Variants in FAM110B observed in about 807,000 individuals in gnomAD.
FAM110B encodes protein FAM110B.
In FAM110B, 6 loss-of-function variants were observed where a neutral mutation model predicts 20.4. The ratio of observed to expected loss-of-function variants is 0.29; its 90% CI spans 0.16 to 0.58. The LOEUF is 0.58. FAM110B is among the 20% of genes least tolerant of loss of function. The pLI, the probability that FAM110B is intolerant of heterozygous loss-of-function variation, is 0.90. For missense variants in FAM110B, 434 were observed against 498.2 expected, an observed-to-expected ratio of 0.87 and a Z score of 1.23; for synonymous variants, 226 against 214.1, an observed-to-expected ratio of 1.06 and a Z score of -0.49.
chr8:58,007,034 A>G (rs1804425759), intron 1 of FAM110B, among the ~76,000 whole-genome samples: 1 of 151,620 alleles, frequency 6.6e-6, no homozygotes, highest in Non-Finnish European at 1.5e-5. Context: ...CAGTGCCTAC[A>G]ATGTGCCAGG....
chr8:58,131,136 C>T (rs1563380593), intron 3 of FAM110B, among the ~76,000 whole-genome samples: 1 of 152,194 alleles, frequency 6.6e-6, no homozygotes, highest in Non-Finnish European at 1.5e-5. Context: ...CCCATATAAC[C>T]GCCTGACACC....
chr8:58,108,546 G>A (rs1806976199), intron 3 of FAM110B, among the ~76,000 whole-genome samples: 1 of 152,164 alleles, frequency 6.6e-6, no homozygotes, highest in African/African-American at 2.4e-5. Flanking sequence ...TTGGATCGAG[G>A]CTGCTCCTGA....
intron 3 of FAM110B, among the ~76,000 whole-genome samples, chr8:58,128,097 G>T (rs1807558028): frequency 6.6e-6 from 1 of 152,174 alleles, no homozygotes; most frequent in Non-Finnish European, 1.5e-5. Flanking sequence ...CCTTCTGTAT[G>T]ACAGACAGGC....
Position 58,146,668 on chromosome 8 carries a change from C to T in FAM110B, c.438C>T (p.Pro146=), listed in dbSNP as rs1803873242. 1 of 1,612,638 alleles carries T rather than the reference C, an allele frequency of 6.2e-7. No homozygotes were observed. Among genetic ancestry groups the T allele is most frequent in the African/African-American group, 1.3e-5 (1 of 74,918 alleles). The change falls in exon 4 of 4, where the codon CCC becomes CCT. Residue 146 remains proline (P), a synonymous_variant. Transcript: ENST00000519262. ...AGCACAGCTCCCGCAACTGGCCGCC[C>T]CACCGGTCGGAAGCCACTGACCTGC... The part of the protein sequence containing the change: ...GHKHSSRNWP[P]HRSEATDLHR...
chr8:58,066,619 C>G (rs182985311), intron 2 of FAM110B, among the ~76,000 whole-genome samples: 1 of 152,124 alleles, frequency 6.6e-6, no homozygotes, highest in East Asian at 1.9e-4. Context: ...GACTCTTGCC[C>G]GCCAGTTGTC....
intron 2 of FAM110B, among the ~76,000 whole-genome samples, chr8:58,053,964 G>A (rs1248567905): frequency 2.0e-5 from 3 of 152,190 alleles, no homozygotes; most frequent in African/African-American, 7.2e-5. Context: ...GCTGCCACAT[G>A]GTGGAAGATT....
chr8:58,130,682 T>C (rs1003365256), intron 3 of FAM110B, among the ~76,000 whole-genome samples: 5 of 152,224 alleles, frequency 3.3e-5, no homozygotes, highest in East Asian at 3.8e-4. Flanking sequence ...AATTGAATGA[T>C]TGAATCCCTT....
intron 3 of FAM110B, among the ~76,000 whole-genome samples, chr8:58,119,619 C>G (rs1169986299): frequency 1.3e-5 from 2 of 152,298 alleles, no homozygotes; most frequent in Middle Eastern, 3.4e-3. Context: ...TAACTTGGTT[C>G]TAACTGGCAA....
chr8:58,129,834 C>A (rs1049291008), intron 3 of FAM110B, among the ~76,000 whole-genome samples: 3 of 152,090 alleles, frequency 2.0e-5, no homozygotes. Flanking sequence ...TCTGCTTAAA[C>A]CTCCCTCTTC....
At chr8:58,054,910 T>C (rs939112674) in intron 2 of FAM110B, among the ~76,000 whole-genome samples, 1 of 135,030 alleles carries the variant, frequency 7.4e-6, no homozygotes, top group Admixed American at 7.2e-5. Flanking sequence ...CAGGTCCTAT[T>C]TTTCTTCTTT....
At chr8:58,089,855 G>GC (rs1215720271) in intron 3 of FAM110B, among the ~76,000 whole-genome samples, 1 of 152,146 alleles carries the variant, frequency 6.6e-6, no homozygotes, top group African/African-American at 2.4e-5. Context: ...TTGCCATTTG[G>GC]CATTTTCTAG....
At chr8:58,053,080 C>G (rs989295989) in intron 2 of FAM110B, among the ~76,000 whole-genome samples, 1 of 151,458 alleles carries the variant, frequency 6.6e-6, no homozygotes, top group African/African-American at 2.4e-5. Flanking sequence ...CCACCGCGCC[C>G]GGCCGAGAGT....
At chr8:58,030,886 G>A (rs762588861) in intron 1 of FAM110B, among the ~76,000 whole-genome samples, 96 of 152,124 alleles carry the variant, frequency 6.3e-4, no homozygotes, top group African/African-American at 1.8e-3. Flanking sequence ...CAAGTGCAGC[G>A]AAAGCAGAAC....
intron 3 of FAM110B, chr8:58,091,523 T>G (rs780790329): frequency 2.0e-5 from 3 of 152,140 alleles, no homozygotes; most frequent in Non-Finnish European, 4.4e-5. Context: ...CCTCAGAATT[T>G]TATAATCACG....
chr8:58,022,562 A>G (rs1191765276), intron 1 of FAM110B, among the ~76,000 whole-genome samples: 1 of 152,212 alleles, frequency 6.6e-6, no homozygotes, highest in Admixed American at 6.5e-5. Context: ...TAAAAATTTA[A>G]TAATATAAAA....
chr8:58,037,647 A>C (rs1805106581), intron 2 of FAM110B, among the ~76,000 whole-genome samples: 1 of 152,102 alleles, frequency 6.6e-6, no homozygotes, highest in African/African-American at 2.4e-5. Flanking sequence ...TTTAAAAAAA[A>C]AAAGTTTTCC....
intron 3 of FAM110B, among the ~76,000 whole-genome samples, 168 bp downstream of exon 3, chr8:58,075,791 C>T (rs990519159): frequency 5.3e-5 from 8 of 152,016 alleles, no homozygotes; most frequent in African/African-American, 1.9e-4. Flanking sequence ...AATAAAATCC[C>T]CACCTTTTGA....
At chr8:58,114,175 A>G (rs148250756) in intron 3 of FAM110B, among the ~76,000 whole-genome samples, 4 of 152,326 alleles carry the variant, frequency 2.6e-5, no homozygotes, top group East Asian at 3.9e-4. Context: ...GTGAAACAGA[A>G]TCAGAAGTGT....
At chr8:58,136,626 C>T (rs970444771) in intron 3 of FAM110B, among the ~76,000 whole-genome samples, 4 of 152,100 alleles carry the variant, frequency 2.6e-5, no homozygotes, top group Admixed American at 6.5e-5. Context: ...ACTGGTTATG[C>T]GCAGCACTGA....
Sources: allele counts gnomAD v4.1 joint callset (sites outside exome capture counted in the v4.1 genomes callset), GRCh38; gene constraint gnomAD v4.1.1; transcripts MANE v1.5; gene names NCBI Gene and HGNC (gene_info 2026-07-23, HGNC 2026-07-21).